Variants in CNTN5 observed in about 807,000 individuals in gnomAD.
The protein encoded by CNTN5 is contactin 5, also known as contactin-5.
In CNTN5, 77 loss-of-function variants were observed where a neutral mutation model predicts 129.1. The ratio of observed to expected loss-of-function variants is 0.60; its 90% CI spans 0.50 to 0.72. The LOEUF is 0.72. CNTN5 is among the 30% of genes least tolerant of loss of function. The probability of loss-of-function intolerance (pLI) is 0.00; values close to 1 mark genes in which losing one functional copy is unlikely to be tolerated. For missense variants in CNTN5, 1,478 were observed against 1,328.8 expected (o/e 1.11, Z -1.75); for synonymous variants, 509 against 465.6 (o/e 1.09, Z -1.20).
At chr11:99,482,968 G>A (rs1945658947) in intron 2 of CNTN5, among the ~76,000 whole-genome samples, 1 of 151,900 alleles carries the variant, frequency 6.6e-6, no homozygotes, top group African/African-American at 2.4e-5. Context: ...TAGATCAAGA[G>A]ACCGAGGCCA....
intron 1 of CNTN5, among the ~76,000 whole-genome samples, chr11:99,271,439 T>C (rs1863166897): frequency 6.6e-6 from 1 of 151,902 alleles, no homozygotes; most frequent in Non-Finnish European, 1.5e-5. Flanking sequence ...TTTATTCATT[T>C]TTAGAATAAA....
chr11:99,415,974 C>G (rs765849694), intron 2 of CNTN5, among the ~76,000 whole-genome samples: 1 of 152,144 alleles, frequency 6.6e-6, no homozygotes, highest in African/African-American at 2.4e-5. Flanking sequence ...TTAAGTTACA[C>G]AAAACCGAAC....
At chr11:99,824,968 A>G (rs900137279) in intron 4 of CNTN5, among the ~76,000 whole-genome samples, 1 of 152,008 alleles carries the variant, frequency 6.6e-6, no homozygotes, top group African/African-American at 2.4e-5. Context: ...CGAAAATAAT[A>G]ATATAGTAAG....
At chr11:99,312,044 C>T (rs1452823902) in intron 1 of CNTN5, among the ~76,000 whole-genome samples, 1 of 152,012 alleles carries the variant, frequency 6.6e-6, no homozygotes, top group East Asian at 1.9e-4. Context: ...TTTCAAGTGG[C>T]CACAAATTCA....
At chr11:99,194,771 A>T (rs1565393625) in intron 1 of CNTN5, among the ~76,000 whole-genome samples, 1 of 151,994 alleles carries the variant, frequency 6.6e-6, no homozygotes, top group Non-Finnish European at 1.5e-5. Flanking sequence ...ATGCCCAGCT[A>T]ATATTTGTAT....
chr11:99,248,945 T>C (rs965214976), intron 1 of CNTN5, among the ~76,000 whole-genome samples: 21 of 152,234 alleles, frequency 1.4e-4, no homozygotes, highest in African/African-American at 4.3e-4. Flanking sequence ...CTTGGCAATG[T>C]CGGCTCTTTT....
intron 3 of CNTN5, among the ~76,000 whole-genome samples, chr11:99,585,858 C>A (rs1447269981): frequency 6.6e-6 from 1 of 152,046 alleles, no homozygotes; most frequent in Non-Finnish European, 1.5e-5. Flanking sequence ...CTGATATATC[C>A]AAGGAAATTA....
chr11:99,975,903 C>T (rs566840666), intron 8 of CNTN5, among the ~76,000 whole-genome samples: 85 of 152,286 alleles, frequency 5.6e-4, no homozygotes, highest in Non-Finnish European at 9.0e-4. Flanking sequence ...TTAACTTATT[C>T]CAGCATTACT....
intron 1 of CNTN5, among the ~76,000 whole-genome samples, chr11:99,121,594 G>C (rs999513677): frequency 2.6e-5 from 4 of 152,150 alleles, no homozygotes; most frequent in Non-Finnish European, 4.4e-5. Context: ...TTGTAGAATG[G>C]GTTTGCCCAC....
chr11:99,940,372 A>T (rs1950408514), intron 7 of CNTN5, among the ~76,000 whole-genome samples: 2 of 152,196 alleles, frequency 1.3e-5, no homozygotes, highest in African/African-American at 4.8e-5. Flanking sequence ...CAATAAACTA[A>T]TGAACTAAAG....
chr11:99,983,312 T>G (rs1949208662), intron 8 of CNTN5, among the ~76,000 whole-genome samples: 1 of 152,146 alleles, frequency 6.6e-6, no homozygotes, highest in South Asian at 2.1e-4. Flanking sequence ...GGCTGTAAAG[T>G]GTCATGGTTA....
rs190441295 is a variant in CNTN5, at chr11:99,964,997, G to A, written c.877+7988G>A. On this transcript the variant is annotated intron_variant, in intron 8 of 24. Transcript: ENST00000524871. ...TGGTAGTTTGTATTTCTGTGGGATC[G>A]GTGGTGATATCCCCTTTATCATTTT... is the stretch of plus-strand genomic sequence containing the variant. 1.0e-3 allele frequency among the ~76,000 whole-genome samples: 159 copies of A among 152,104 alleles called. 1 individual carries two copies. Among genetic ancestry groups the A allele is most frequent in the African/African-American group, 3.3e-3 (139 of 41,500 alleles).
chr11:100,330,887 T>A (rs1421078258), intron 21 of CNTN5, among the ~76,000 whole-genome samples: 2 of 151,952 alleles, frequency 1.3e-5, no homozygotes, highest in Non-Finnish European at 2.9e-5. Flanking sequence ...AAAGCATAAA[T>A]CTCACAGGAC....
chr11:99,708,120 C>T (rs188732073), intron 3 of CNTN5, among the ~76,000 whole-genome samples: 1 of 151,648 alleles, frequency 6.6e-6, no homozygotes, highest in African/African-American at 2.4e-5. Context: ...AACTTGTGAC[C>T]TAGACCACTA....
At chr11:100,277,201 C>T (rs1950533214) in intron 18 of CNTN5, among the ~76,000 whole-genome samples, 1 of 152,176 alleles carries the variant, frequency 6.6e-6, no homozygotes, top group Admixed American at 6.5e-5. Context: ...ACAAGTACCA[C>T]ATTTTCTTTA....
intron 1 of CNTN5, among the ~76,000 whole-genome samples, chr11:99,165,673 T>C (rs1591300907): frequency 6.6e-6 from 1 of 152,306 alleles, no homozygotes. Flanking sequence ...TCAATTATTT[T>C]ATAGAATGCA....
At chr11:99,200,458 C>T (rs1306504400) in intron 1 of CNTN5, among the ~76,000 whole-genome samples, 4 of 152,182 alleles carry the variant, frequency 2.6e-5, no homozygotes, top group African/African-American at 7.2e-5. Flanking sequence ...TTTCCCAACA[C>T]GTTTTGCTTC....
intron 3 of CNTN5, among the ~76,000 whole-genome samples, chr11:99,672,503 T>C (rs987299728): frequency 1.3e-4 from 19 of 151,756 alleles, no homozygotes; most frequent in Admixed American, 9.2e-4. Flanking sequence ...TTCTCTGATA[T>C]GCACCCCAAA....
intron 21 of CNTN5, among the ~76,000 whole-genome samples, chr11:100,311,596 C>G (rs1951475169): frequency 6.6e-6 from 1 of 151,872 alleles, no homozygotes; most frequent in African/African-American, 2.4e-5. Flanking sequence ...CAATTTGGAA[C>G]TCAATAAAGG....
Sources: gnomAD v4.1 joint callset for allele counts (sites outside exome capture counted in the v4.1 genomes callset) on GRCh38, gnomAD v4.1.1 for gene constraint, MANE v1.5 for transcripts, NCBI Gene and HGNC (gene_info 2026-07-23, HGNC 2026-07-21) for gene names.